The following SHROOM3 variants were observed in gnomAD, a reference collection of about 807,000 sequenced individuals.
SHROOM3 encodes the protein shroom family member 3.
A neutral mutation model predicts 138.6 loss-of-function variants in SHROOM3; 47 were observed. The ratio of observed to expected loss-of-function variants is 0.34; its 90% CI spans 0.27 to 0.43. The LOEUF (loss-of-function observed/expected upper bound fraction) is 0.43, where lower values mean the gene tolerates loss of function less well. Among genes scored for constraint, SHROOM3 ranks in the 20% least tolerant of loss-of-function variants. The pLI, the probability that SHROOM3 is intolerant of heterozygous loss-of-function variation, is 1.00. For missense variants in SHROOM3, 2,491 were observed against 2,596.5 expected, an observed-to-expected ratio of 0.96 and a Z score of 0.88; for synonymous variants, 1,062 against 1,063.3, an observed-to-expected ratio of 1.00 and a Z score of 0.02.
chr4:76,773,641 C>G (rs1477080850), intron 10 of SHROOM3, among the ~76,000 whole-genome samples: 1 of 152,122 alleles, frequency 6.6e-6, no homozygotes, highest in Non-Finnish European at 1.5e-5. Context: ...GCACTGAGGC[C>G]CTGGTAAAAG....
rs753705187 is a variant in SHROOM3 at position 76,759,550 on chromosome 4, A to G, written c.5204A>G (p.Glu1735Gly). Residue 1735 changes from glutamate to glycine, a missense_variant, in exon 9 of 11, where the codon GAA becomes GGA. Glu to Gly is a moderately conservative substitution (Grantham distance 98). This residue lies in a region of SHROOM3 where 470 missense variants were observed against 595.0 expected (regional missense o/e 0.79). Coordinates refer to ENST00000296043, the MANE Select transcript of SHROOM3 (RefSeq NM_020859.4). ...TTGTGCTCTTTTTGGCCCAGGAATG[A>G]AGACAAGGAAGCAGTGAGCATGTTG... ...SSSGCEGKRN[E>G]DKEAVSMLVN... is the part of the protein sequence containing the mutation. The G allele has an allele frequency of 1.5e-5, 24 of 1,614,092 alleles. No homozygotes were observed. The Admixed American group carries it at 3.8e-4, about 26-fold the overall frequency.
chr4:76,783,034 T>A lies in SHROOM3; in HGVS notation c.*3857T>A, dbSNP rs1295608458. On this transcript the variant is annotated 3_prime_UTR_variant, in exon 11 of 11. Transcript: ENST00000296043. Reference sequence around the variant, plus strand: ...TGCTTGTTAAAAATACCAATTGCTATGACAAAACCAAGTCTGCTGGAAACT... The same window carrying A: ...TGCTTGTTAAAAATACCAATTGCTAAGACAAAACCAAGTCTGCTGGAAACT... 6.6e-6 allele frequency: 1 copy of A among 152,214 alleles called. No homozygotes were observed. Among genetic ancestry groups the A allele is most frequent in the Non-Finnish European group, 1.5e-5 (1 of 68,034 alleles). 9.4% of individuals were successfully genotyped at this position (152,214 alleles called of 1,614,324 possible).
intron 4 of SHROOM3, among the ~76,000 whole-genome samples, chr4:76,737,039 TAC>T (rs1347101341): frequency 5.3e-5 from 8 of 152,346 alleles, no homozygotes; most frequent in Admixed American, 1.3e-4. Context: ...TCGTACAGAA[TAC>T]TTTCACTGTC....
At chr4:76,493,224 C>CAAA (rs35837765) in intron 1 of SHROOM3, among the ~76,000 whole-genome samples, 3,235 of 56,386 alleles carry the variant, frequency 0.057, 106 homozygotes, top group Middle Eastern at 0.068. Flanking sequence ...AACTCCATCT[C>CAAA]AAAAAAAAAA....
At chr4:76,610,487 A>C (rs1483193130) in intron 2 of SHROOM3, among the ~76,000 whole-genome samples, 2 of 152,176 alleles carry the variant, frequency 1.3e-5, no homozygotes, top group Non-Finnish European at 2.9e-5. Context: ...TTTATGTATT[A>C]ATGTGAAATT....
chr4:76,772,505 A>G (rs1301648921), intron 10 of SHROOM3, among the ~76,000 whole-genome samples: 1 of 152,226 alleles, frequency 6.6e-6, no homozygotes, highest in Non-Finnish European at 1.5e-5. Context: ...AATAGATTTT[A>G]AAAGGATTAG....
intron 1 of SHROOM3, among the ~76,000 whole-genome samples, chr4:76,440,819 A>C (rs1730653208): frequency 6.6e-6 from 1 of 152,148 alleles, no homozygotes; most frequent in African/African-American, 2.4e-5. Flanking sequence ...TCTGTGCTCT[A>C]GCTGGACTAT....
chr4:76,495,486 A>C (rs1579193580), intron 1 of SHROOM3, among the ~76,000 whole-genome samples: 1 of 152,342 alleles, frequency 6.6e-6, no homozygotes, highest in East Asian at 1.9e-4. Context: ...TCAGGCTGAG[A>C]ACAGACTTCA....
rs1730549855 is a variant in SHROOM3 at position 76,435,763 on chromosome 4, G to A, written c.-290G>A. 3.3e-6 allele frequency: 1 copy of A among 301,450 alleles called. No homozygotes were observed. Among genetic ancestry groups the A allele is most frequent in the Non-Finnish European group, 6.1e-6 (1 of 163,450 alleles). The allele number at this position is 301,450 out of a possible 1,614,324, so 18.7% of individuals were successfully genotyped here. A position where few individuals can be genotyped will look rare whatever the true frequency, so the allele number is the denominator to read the frequency against. ...AATCTTCAGAGCGCCACTGAAGGAA[G>A]TTTTGACGAACGGAGTAGAGATGTA... On this transcript the variant is annotated 5_prime_UTR_variant, in exon 1 of 11. Coordinates refer to ENST00000296043, the MANE Select transcript of SHROOM3 (RefSeq NM_020859.4).
intron 2 of SHROOM3, among the ~76,000 whole-genome samples, chr4:76,584,495 C>G (rs1048235279): frequency 6.6e-6 from 1 of 152,096 alleles, no homozygotes; most frequent in African/African-American, 2.4e-5. Context: ...CAGAGCTGGA[C>G]TATGAGGAAG....
At position 76,605,931 on chromosome 4, in the gene SHROOM3, C is replaced by CTA. The variant is rs1214863867; in HGVS notation, c.323+50169_323+50170insAT. 7.6e-4 allele frequency among the ~76,000 whole-genome samples: 105 copies of CTA among 138,956 alleles called. 1 individual carries two copies. The Middle Eastern group carries it at 0.011, about 15-fold the overall frequency. 91.2% of individuals were successfully genotyped at this position (138,956 alleles called of 152,430 possible). On this transcript the variant is annotated intron_variant, in intron 2 of 10. Transcript: ENST00000296043. ...CACAATTTTCTCTCTCTCTCTCTCT[C>CTA]TCTATATATATATATACACATATAT...
chr4:76,615,282 G>T (rs1374855622), intron 2 of SHROOM3, among the ~76,000 whole-genome samples: 2 of 152,114 alleles, frequency 1.3e-5, no homozygotes, highest in African/African-American at 4.8e-5. Flanking sequence ...TGATATCAAC[G>T]CTCTCAAGTC....
At chr4:76,598,655 G>T (rs1222385778) in intron 2 of SHROOM3, among the ~76,000 whole-genome samples, 2 of 152,182 alleles carry the variant, frequency 1.3e-5, no homozygotes, top group East Asian at 3.9e-4. Context: ...CCCTGGTGCA[G>T]CTGTATCCAC....
chr4:76,716,552 A>G (rs1249546928), intron 3 of SHROOM3: 13 of 411,516 alleles, frequency 3.2e-5, no homozygotes, highest in Non-Finnish European at 6.3e-5. Context: ...TTAGGTTTAA[A>G]CCTGTTTCTC....
At chr4:76,724,205 T>G (rs969067074) in intron 3 of SHROOM3, among the ~76,000 whole-genome samples, 1 of 152,228 alleles carries the variant, frequency 6.6e-6, no homozygotes, top group African/African-American at 2.4e-5. Flanking sequence ...GGGCTTTGTT[T>G]GAATTACACC....
intron 1 of SHROOM3, among the ~76,000 whole-genome samples, chr4:76,514,900 T>C (rs1195677308): frequency 6.6e-6 from 1 of 152,056 alleles, no homozygotes; most frequent in Non-Finnish European, 1.5e-5. Flanking sequence ...AAGACCAGCC[T>C]GGGAAACATA....
intron 1 of SHROOM3, among the ~76,000 whole-genome samples, chr4:76,532,744 G>A (rs1732859157): frequency 1.3e-5 from 2 of 152,128 alleles, no homozygotes; most frequent in South Asian, 2.1e-4. Flanking sequence ...CAACCTCAGC[G>A]TACATTTTTT....
At chr4:76,631,211 T>TTTTC (rs1432742773) in intron 2 of SHROOM3, among the ~76,000 whole-genome samples, 1 of 140,940 alleles carries the variant, frequency 7.1e-6, no homozygotes, top group Non-Finnish European at 1.5e-5. Flanking sequence ...ATCTTTTTTT[T>TTTTC]TTTTTTTTTT....
chr4:76,510,922 T>C (rs1430462695), intron 1 of SHROOM3, among the ~76,000 whole-genome samples: 1 of 152,176 alleles, frequency 6.6e-6, no homozygotes, highest in Admixed American at 6.5e-5. Flanking sequence ...GGCTCACACC[T>C]GTAATCCCAG....
Sources: allele counts gnomAD v4.1 joint callset (sites outside exome capture counted in the v4.1 genomes callset), GRCh38; gene constraint gnomAD v4.1.1; regional missense constraint gnomAD v4.1.1; transcripts MANE v1.5; gene names NCBI Gene and HGNC (gene_info 2026-07-23, HGNC 2026-07-21).